Variants in INSL6 observed in about 807,000 individuals in gnomAD.
INSL6 encodes the protein insulin like 6.
A neutral mutation model predicts 9.4 loss-of-function variants in INSL6; 16 were observed. The ratio of observed to expected loss-of-function variants is 1.70; its 90% CI spans 1.15 to 2.59. The LOEUF (loss-of-function observed/expected upper bound fraction) is 2.59. Ranked by LOEUF, INSL6 falls within the 30% of genes most tolerant of loss-of-function variation. The pLI, the probability that INSL6 is intolerant of heterozygous loss-of-function variation, is 0.00. For missense variants in INSL6, 391 were observed against 257.3 expected, an observed-to-expected ratio of 1.52 and a Z score of -3.56; for synonymous variants, 154 against 96.9, an observed-to-expected ratio of 1.59 and a Z score of -3.46.
chr9:5,122,183 T>C (rs929917884), downstream of INSL6, among the ~76,000 whole-genome samples: 13 of 152,146 alleles, frequency 8.5e-5, no homozygotes, highest in Non-Finnish European at 1.5e-5. Context: ...TTCACATTTT[T>C]AATATCAGTC....
chr9:5,164,151 T>C lies in INSL6; in HGVS notation c.404A>G (p.His135Arg), dbSNP rs34832229. 1,730 of 1,608,174 alleles carry C rather than the reference T, an allele frequency of 1.1e-3. 16 individuals carry two copies. In the African/African-American group the frequency reaches 0.02, roughly 18 times the overall value. The change falls in exon 2 of 2, where the codon CAT (histidine) becomes CGT (arginine). Residue 135 changes from histidine (H) to arginine (R), a missense_variant. Transcript: ENST00000381641. ...LGKTREFSSS[H>R]NINVYIHENA... ...CTCATGAATATATACATTGATATTA[T>C]GTGATGAAGAAAATTCTCTTGTCTT...
At chr9:5,136,141 T>TA (rs1564035251) in intron 2 of INSL6, among the ~76,000 whole-genome samples, 1 of 151,668 alleles carries the variant, frequency 6.6e-6, no homozygotes, top group Non-Finnish European at 1.5e-5. Context: ...GCCTACCAGC[T>TA]AAAAAAAAGT....
chr9:5,089,795 A>G, the INSL6 span: 1 of 1,599,218 alleles, frequency 6.3e-7, no homozygotes, highest in Admixed American at 1.7e-5. Context: ...TTTGAAAGGG[A>G]AATTGAAATC....
chr9:5,070,401 A>G, the INSL6 span, among the ~76,000 whole-genome samples: 35,182 of 150,054 alleles, frequency 0.23, 4,457 homozygotes, highest in South Asian at 0.3. Flanking sequence ...AGAAACTGAG[A>G]AAAAAATCCA....
chr9:4,994,589 C>G, the INSL6 span, among the ~76,000 whole-genome samples: 5 of 152,328 alleles, frequency 3.3e-5, no homozygotes, highest in African/African-American at 1.2e-4. Flanking sequence ...GATTGTTTCT[C>G]TTGCACCTAC....
At chr9:5,016,980 T>C in the INSL6 span, among the ~76,000 whole-genome samples, 10 of 152,214 alleles carry the variant, frequency 6.6e-5, no homozygotes, top group Non-Finnish European at 8.8e-5. Flanking sequence ...ATGTAGTCAT[T>C]TTTGATCAAG....
chr9:5,078,717 A>G, the INSL6 span, among the ~76,000 whole-genome samples: 1 of 152,176 alleles, frequency 6.6e-6, no homozygotes, highest in East Asian at 1.9e-4. Context: ...CATTTTTAGT[A>G]TGAAGTTTTG....
chr9:5,085,090 C>T, the INSL6 span: 2 of 664,966 alleles, frequency 3.0e-6, no homozygotes, highest in Non-Finnish European at 5.7e-6. Context: ...TGCTTCATGG[C>T]AGTACTGCTG....
At chr9:5,008,409 G>A in the INSL6 span, among the ~76,000 whole-genome samples, 1 of 152,204 alleles carries the variant, frequency 6.6e-6, no homozygotes, top group South Asian at 2.1e-4. Flanking sequence ...TCAAATGTAG[G>A]AAGTGGAGAT....
chr9:5,012,671 C>G, the INSL6 span, among the ~76,000 whole-genome samples: 1 of 152,150 alleles, frequency 6.6e-6, no homozygotes, highest in South Asian at 2.1e-4. Flanking sequence ...ATTTGTATCT[C>G]AGGATTTTTC....
downstream of INSL6, chr9:5,122,985 G>C: frequency 6.7e-7 from 1 of 1,498,148 alleles, no homozygotes; most frequent in South Asian, 1.2e-5. Flanking sequence ...TCTTTTAAAT[G>C]TTATTCATAT....
At chr9:5,004,159 C>T in the INSL6 span, among the ~76,000 whole-genome samples, 3 of 152,226 alleles carry the variant, frequency 2.0e-5, no homozygotes, top group East Asian at 5.8e-4. Flanking sequence ...AAAATCTACT[C>T]TTAGCAATTT....
At chr9:5,086,143 G>A in the INSL6 span, 9 of 383,718 alleles carry the variant, frequency 2.3e-5, no homozygotes, top group Non-Finnish European at 2.2e-5. Context: ...CGGCGGCCCC[G>A]CAAGGCTCGG....
chr9:5,050,636 A>C, the INSL6 span: 4 of 1,533,330 alleles, frequency 2.6e-6, no homozygotes, highest in South Asian at 4.6e-5. Context: ...AGATTAAAAC[A>C]TGATAATGAA....
At chr9:5,052,697 G>T in the INSL6 span, among the ~76,000 whole-genome samples, 10 of 151,958 alleles carry the variant, frequency 6.6e-5, no homozygotes, top group African/African-American at 2.2e-4. Flanking sequence ...TGTTTGCGTG[G>T]ATTTTCCTGT....
At chr9:5,105,604 C>T in the INSL6 span, among the ~76,000 whole-genome samples, 1 of 152,166 alleles carries the variant, frequency 6.6e-6, no homozygotes, top group South Asian at 2.1e-4. Flanking sequence ...CCTGCATTGC[C>T]AAGACCATCC....
chr9:5,064,923 T>G, the INSL6 span: 1 of 1,597,192 alleles, frequency 6.3e-7, no homozygotes, highest in Non-Finnish European at 8.5e-7. Flanking sequence ...TTGTCTTTCG[T>G]GTCATTAATT....
the INSL6 span, among the ~76,000 whole-genome samples, chr9:5,008,878 T>C: frequency 6.6e-6 from 1 of 152,196 alleles, no homozygotes; most frequent in Non-Finnish European, 1.5e-5. Flanking sequence ...GATCCTCTTA[T>C]TTCTTACTTT....
At chr9:5,116,705 G>A in the INSL6 span, among the ~76,000 whole-genome samples, 1 of 152,158 alleles carries the variant, frequency 6.6e-6, no homozygotes, top group Admixed American at 6.5e-5. Context: ...ATGAAGATAG[G>A]CTTAGCATCA....
Sources: allele counts gnomAD v4.1 joint callset (sites outside exome capture counted in the v4.1 genomes callset), GRCh38; gene constraint gnomAD v4.1.1; transcripts MANE v1.5; gene names NCBI Gene and HGNC (gene_info 2026-07-23, HGNC 2026-07-21).